SDK2: variants seen among roughly 807,000 people sequenced by gnomAD.
SDK2 encodes sidekick cell adhesion molecule 2.
A neutral mutation model predicts 253.9 loss-of-function variants in SDK2; 105 were observed. The observed-to-expected ratio is 0.41, with a 90% confidence interval of 0.35 to 0.49. The LOEUF (loss-of-function observed/expected upper bound fraction) is 0.49, where lower values mean the gene tolerates loss of function less well. Ranked by LOEUF, SDK2 falls within the 20% of genes least tolerant of loss-of-function variation. SDK2 has a pLI of 0.06. For missense variants in SDK2, 2,608 were observed against 3,003.0 expected (o/e 0.87, Z 3.07); for synonymous variants, 1,249 against 1,234.9 (o/e 1.01, Z -0.24).
chr17:73,630,296 G>C (rs2046252261), intron 1 of SDK2, among the ~76,000 whole-genome samples: 1 of 152,120 alleles, frequency 6.6e-6, no homozygotes, highest in African/African-American at 2.4e-5. Context: ...TCTGGGAATG[G>C]GGCCCAGGAA....
At chr17:73,387,660 A>G (rs2145488020) in intron 30 of SDK2, among the ~76,000 whole-genome samples, 176 bp downstream of exon 30, 2 of 152,298 alleles carry the variant, frequency 1.3e-5, no homozygotes, top group South Asian at 4.1e-4. Flanking sequence ...AGAGCAGGAT[A>G]GAGCTGATTT....
chr17:73,498,575 A>T (rs2063861699), intron 2 of SDK2, among the ~76,000 whole-genome samples: 1 of 152,216 alleles, frequency 6.6e-6, no homozygotes, highest in Non-Finnish European at 1.5e-5. Context: ...CCAGGCTTGG[A>T]AGCAGAAGGC....
chr17:73,377,840 G>A (rs1307385054), intron 36 of SDK2, among the ~76,000 whole-genome samples: 2 of 151,994 alleles, frequency 1.3e-5, no homozygotes, highest in Non-Finnish European at 2.9e-5. Flanking sequence ...TCGAACTCCC[G>A]ACCTCAGGTG....
intron 44 of SDK2, among the ~76,000 whole-genome samples, chr17:73,346,115 A>C (rs2062481216): frequency 6.6e-6 from 1 of 151,790 alleles, no homozygotes; most frequent in South Asian, 2.1e-4. Context: ...CTGAGGCAGG[A>C]GAATTGTTTG....
intron 41 of SDK2, among the ~76,000 whole-genome samples, chr17:73,351,299 G>A (rs1888574997): frequency 1.3e-5 from 2 of 152,066 alleles, no homozygotes; most frequent in African/African-American, 2.4e-5. Flanking sequence ...TAGTAGACAC[G>A]GGGTTTCACC....
Position 73,571,916 on chromosome 17 carries a change from C to A in SDK2, c.65-64319G>T, listed in dbSNP as rs2145868835. Among the ~76,000 whole-genome samples the A allele has an allele frequency of 1.3e-5, 2 of 152,292 alleles. 1 individual carries two copies. Among genetic ancestry groups the A allele is most frequent in the Middle Eastern group, 6.8e-3 (2 of 294 alleles). On this transcript the variant is annotated intron_variant, in intron 1 of 44. Transcript: ENST00000392650. ...ACAACACATGCCGGGCTTTCCATGG[C>A]CAACCTCACGGCCCACGGGGAAGGA...
chr17:73,496,023 A>G lies in SDK2; in HGVS notation c.224+11415T>C, dbSNP rs1466836313. On this transcript the variant is annotated intron_variant, in intron 2 of 44. Transcript: ENST00000392650. The surrounding 1 kb of genome is among the most constrained non-coding windows in gnomAD (Gnocchi z 4.7). Reference sequence around the variant, plus strand: ...GAGTAAATCTCCAAAGGGCTGGAACAGGCAGATAGGATCTAGCCTCATTGA... The same window carrying G: ...GAGTAAATCTCCAAAGGGCTGGAACGGGCAGATAGGATCTAGCCTCATTGA... Among the ~76,000 whole-genome samples the G allele has an allele frequency of 3.9e-5, 6 of 152,214 alleles. No homozygotes were observed. The highest frequency in any genetic ancestry group is 5.9e-5 in the Non-Finnish European group (4 of 68,036).
chr17:73,507,722 C>T lies in SDK2; in HGVS notation c.65-125G>A, dbSNP rs148618147. ...CAGCCAGGTAATTTGCCCAAGGTCC[C>T]GTGGCTGGGAGGGACTTGAACCTGG... On this transcript the variant is annotated intron_variant, in intron 1 of 44. Coordinates refer to ENST00000392650, the MANE Select transcript of SDK2 (RefSeq NM_001144952.2). 8.1e-4 allele frequency: 855 copies of T among 1,051,104 alleles called. 2 individuals are homozygous for T. The highest frequency in any genetic ancestry group is 9.6e-4 in the Non-Finnish European group (713 of 745,296). The allele number at this position is 1,051,104 out of a possible 1,614,324, so 65.1% of individuals were successfully genotyped here.
At chr17:73,500,842 T>C (rs142103972) in intron 2 of SDK2, among the ~76,000 whole-genome samples, 82 of 117,282 alleles carry the variant, frequency 7.0e-4, no homozygotes, top group Middle Eastern at 8.6e-3. Context: ...ATCCTCTGTC[T>C]ATCCTCCCTC....
At chr17:73,505,562 A>C (rs1268961746) in intron 2 of SDK2, among the ~76,000 whole-genome samples, 1 of 148,322 alleles carries the variant, frequency 6.7e-6, no homozygotes, top group Admixed American at 6.7e-5. Context: ...GCTGGACCTC[A>C]TCATCATCAT....
chr17:73,415,459 T>C (rs2063172542), intron 17 of SDK2, among the ~76,000 whole-genome samples: 1 of 151,150 alleles, frequency 6.6e-6, no homozygotes, highest in African/African-American at 2.4e-5. Flanking sequence ...GCTCCAGCCT[T>C]GGGGACCTCC....
intron 1 of SDK2, among the ~76,000 whole-genome samples, chr17:73,552,750 G>T (rs1022486717): frequency 4.6e-5 from 7 of 152,208 alleles, no homozygotes; most frequent in Non-Finnish European, 1.0e-4. Context: ...AATGGACCCC[G>T]CTGTAGGCTG....
In SDK2 at chr17:73,467,200, T is replaced by C. The variant is rs2063608203; in HGVS notation, c.331+4912A>G. ...GATTATTACAGCCCAGGGCTGTCCCTGATTCTGTCTGAACTCTGACCCCAG... is the reference window on the plus strand; with the variant it reads ...GATTATTACAGCCCAGGGCTGTCCCCGATTCTGTCTGAACTCTGACCCCAG... On this transcript the variant is annotated intron_variant, in intron 3 of 44. Coordinates refer to ENST00000392650, the MANE Select transcript of SDK2 (RefSeq NM_001144952.2). The surrounding 1 kb of genome is among the most constrained non-coding windows in gnomAD (Gnocchi z 4.1). 6.6e-6 allele frequency among the ~76,000 whole-genome samples: 1 copy of C among 152,074 alleles called. No homozygotes were observed. Among genetic ancestry groups the C allele is most frequent in the Non-Finnish European group, 1.5e-5 (1 of 68,004 alleles).
chr17:73,493,794 A>G (rs11077684), intron 2 of SDK2, among the ~76,000 whole-genome samples: 109,773 of 152,222 alleles, frequency 0.72, 39,666 homozygotes, highest in East Asian at 0.77. Context: ...ATGGATGGAC[A>G]TCCAGAGCTG....
At chr17:73,516,809 GA>G (rs1019761505) in intron 1 of SDK2, 4 of 152,324 alleles carry the variant, frequency 2.6e-5, no homozygotes, top group African/African-American at 9.6e-5. Flanking sequence ...CTTGCTCAGA[GA>G]AGCGTGTTTG....
chr17:73,578,161 G>A (rs1227055958), intron 1 of SDK2, among the ~76,000 whole-genome samples: 2 of 151,592 alleles, frequency 1.3e-5, no homozygotes, highest in African/African-American at 2.4e-5. Flanking sequence ...CCTGGTTCAA[G>A]CAATTCCCCT....
At chr17:73,440,706 T>C in intron 6 of SDK2, 106 bp downstream of exon 6, 2 of 809,074 alleles carry the variant, frequency 2.5e-6, no homozygotes, top group South Asian at 2.9e-5. Context: ...TCCCCTGTCC[T>C]GGATCCTCAG....
At chr17:73,560,882 G>A (rs941333516) in intron 1 of SDK2, among the ~76,000 whole-genome samples, 5 of 152,292 alleles carry the variant, frequency 3.3e-5, no homozygotes, top group Non-Finnish European at 5.9e-5. Context: ...AGTGGGTGGC[G>A]TCTGGGCCAG....
intron 1 of SDK2, among the ~76,000 whole-genome samples, chr17:73,548,690 G>C (rs2045006383): frequency 6.6e-6 from 1 of 151,844 alleles, no homozygotes; most frequent in Non-Finnish European, 1.5e-5. Flanking sequence ...TCCTCCCTGG[G>C]GAGGAAATGA....
Sources: gnomAD v4.1 joint callset for allele counts (sites outside exome capture counted in the v4.1 genomes callset) on GRCh38, gnomAD v4.1.1 for gene constraint, Gnocchi (gnomAD v3.1) non-coding constraint, MANE v1.5 for transcripts, NCBI Gene and HGNC (gene_info 2026-07-23, HGNC 2026-07-21) for gene names.